The following TTLL11 variants were observed in gnomAD, a reference collection of about 807,000 sequenced individuals.
TTLL11 encodes tubulin polyglutamylase TTLL11.
In TTLL11, 42 loss-of-function variants were observed where a neutral mutation model predicts 51.7. That is an observed-to-expected ratio of 0.81 (90% confidence interval 0.64 to 1.05). The LOEUF (loss-of-function observed/expected upper bound fraction) is 1.05, where lower values mean the gene tolerates loss of function less well. Ranked by LOEUF, TTLL11 falls within the 50% of genes least tolerant of loss-of-function variation. The probability of loss-of-function intolerance (pLI) is 0.00; values close to 1 mark genes in which losing one functional copy is unlikely to be tolerated. For synonymous variants in TTLL11, 381 were observed against 383.5 expected, an observed-to-expected ratio of 0.99 and a Z score of 0.08; for missense variants, 799 against 940.4, an observed-to-expected ratio of 0.85 and a Z score of 1.97.
chr9:121,906,781 C>T (rs1348881745), intron 6 of TTLL11, among the ~76,000 whole-genome samples: 1 of 152,106 alleles, frequency 6.6e-6, no homozygotes, highest in Non-Finnish European at 1.5e-5. Context: ...ATGAAAAGTA[C>T]ATTGACTATT....
At chr9:121,879,764 T>TGC (rs1564285593) in intron 6 of TTLL11, among the ~76,000 whole-genome samples, 2,011 of 17,712 alleles carry the variant, frequency 0.11, 248 homozygotes, top group East Asian at 0.24. Context: ...GCCCTGAATC[T>TGC]AGACCAGGCT....
At chr9:122,012,748 T>C (rs1843847848) in intron 3 of TTLL11, among the ~76,000 whole-genome samples, 1 of 151,988 alleles carries the variant, frequency 6.6e-6, no homozygotes, top group Admixed American at 6.6e-5. Context: ...AAAGAAGTCT[T>C]AGCTCTTTTC....
chr9:122,017,705 C>A (rs1052130948), intron 3 of TTLL11, among the ~76,000 whole-genome samples: 4 of 152,148 alleles, frequency 2.6e-5, no homozygotes, highest in Non-Finnish European at 5.9e-5. Context: ...TTGTGATCTG[C>A]CTGTCTTGGC....
intron 3 of TTLL11, among the ~76,000 whole-genome samples, chr9:121,992,758 C>T (rs955355945): frequency 6.6e-6 from 1 of 152,178 alleles, no homozygotes; most frequent in Non-Finnish European, 1.5e-5. Context: ...GCCTAATTGC[C>T]TGGCACTCCG....
At chr9:122,067,371 C>T (rs933390590) in intron 1 of TTLL11, among the ~76,000 whole-genome samples, 5 of 152,094 alleles carry the variant, frequency 3.3e-5, no homozygotes, top group African/African-American at 7.2e-5. Flanking sequence ...GTATGGGCTT[C>T]GGAAAGCTGG....
rs1263530259 is a variant in TTLL11, at chr9:121,995,560, G to A, written c.694-5790C>T. Among the ~76,000 whole-genome samples the A allele has an allele frequency of 6.6e-6, 1 of 152,092 alleles. No individual in the cohort carries two copies. The highest frequency in any genetic ancestry group is 1.9e-4 in the East Asian group (1 of 5,192). On this transcript the variant is annotated intron_variant, in intron 3 of 8. Transcript: ENST00000321582. This position sits in a 1 kb window ranked among gnomAD's most constrained non-coding sequence, Gnocchi z 4.4. ...TGGGACTTCAGCAATTTTGGGAGGG[G>A]TGATGTTACCATTAACAGATTTAGG...
chr9:121,877,514 GCCTATTCCCA>G (rs1838610275), intron 6 of TTLL11, among the ~76,000 whole-genome samples: 2 of 152,158 alleles, frequency 1.3e-5, no homozygotes, highest in African/African-American at 4.8e-5. Context: ...CCCACGTTGA[GCCTATTCCCA>G]CCTATTCCCC....
At chr9:121,961,926 G>A (rs1842240268) in intron 6 of TTLL11, among the ~76,000 whole-genome samples, 1 of 152,026 alleles carries the variant, frequency 6.6e-6, no homozygotes. Context: ...CGTGGTGGTG[G>A]GTGCCTGTGA....
chr9:121,826,165 T>C (rs1267187059), intron 8 of TTLL11, among the ~76,000 whole-genome samples: 1 of 109,256 alleles, frequency 9.2e-6, no homozygotes, highest in African/African-American at 3.5e-5. Context: ...TATATATATA[T>C]ATATATATAA....
intron 6 of TTLL11, among the ~76,000 whole-genome samples, chr9:121,912,100 C>T (rs571052566): frequency 6.6e-6 from 1 of 152,314 alleles, no homozygotes; most frequent in Non-Finnish European, 1.5e-5. Context: ...TGCTCCTGCT[C>T]TTAGGGAACT....
At chr9:121,983,057 C>A (rs1030065195) in intron 4 of TTLL11, among the ~76,000 whole-genome samples, 2 of 152,110 alleles carry the variant, frequency 1.3e-5, no homozygotes, top group African/African-American at 4.8e-5. Flanking sequence ...CATTCAAGTG[C>A]GAGGTGATGG....
rs554019944 is a variant in TTLL11, at chr9:122,092,065, C to T, written c.462+622G>A. 6.6e-5 allele frequency among the ~76,000 whole-genome samples: 10 copies of T among 152,210 alleles called. No homozygotes were observed. In the South Asian group the frequency reaches 1.9e-3, roughly 28 times the overall value. ...GAAGAGAGAAAGGAGAAGGTGGTAA[C>T]GTAAGTTACCATTTATTGCAGACTT... On this transcript the variant is annotated intron_variant, in intron 1 of 8. Coordinates refer to ENST00000321582, the MANE Select transcript of TTLL11 (RefSeq NM_001139442.2).
At chr9:122,086,972 T>C (rs1846143702) in intron 1 of TTLL11, among the ~76,000 whole-genome samples, 1 of 152,204 alleles carries the variant, frequency 6.6e-6, no homozygotes, top group African/African-American at 2.4e-5. Flanking sequence ...ATAGAATAAC[T>C]CCTTGCAGAA....
At chr9:122,012,478 A>G (rs1189770878) in intron 3 of TTLL11, among the ~76,000 whole-genome samples, 1 of 152,154 alleles carries the variant, frequency 6.6e-6, no homozygotes, top group Non-Finnish European at 1.5e-5. Flanking sequence ...CCCTCTAATG[A>G]TCGTATTCAT....
intron 2 of TTLL11, among the ~76,000 whole-genome samples, chr9:122,038,101 ACTTG>A (rs1213840638): frequency 6.6e-6 from 1 of 152,176 alleles, no homozygotes; most frequent in Non-Finnish European, 1.5e-5. Flanking sequence ...GGATGAGTAA[ACTTG>A]CTTAAGGTTT....
intron 6 of TTLL11, among the ~76,000 whole-genome samples, chr9:121,919,693 G>A (rs1041427469): frequency 6.6e-6 from 1 of 152,062 alleles, no homozygotes; most frequent in African/African-American, 2.4e-5. Flanking sequence ...GGGAGACAGT[G>A]AGTAATACAG....
At chr9:122,037,568 T>C (rs1365555199) in intron 2 of TTLL11, among the ~76,000 whole-genome samples, 5 of 152,190 alleles carry the variant, frequency 3.3e-5, no homozygotes, top group Non-Finnish European at 7.3e-5. Flanking sequence ...GCGATGATTC[T>C]TGTAACTTAA....
chr9:121,969,447 G>A (rs534674985), intron 6 of TTLL11, among the ~76,000 whole-genome samples: 41 of 152,208 alleles, frequency 2.7e-4, no homozygotes, highest in African/African-American at 9.1e-4. Flanking sequence ...GGAGATGCAT[G>A]ATGCATGCAC....
At chr9:121,978,105 AT>A (rs1842755193) in intron 4 of TTLL11, among the ~76,000 whole-genome samples, 1 of 152,214 alleles carries the variant, frequency 6.6e-6, no homozygotes, top group African/African-American at 2.4e-5. Context: ...GCAATATAAC[AT>A]TTTTTGCACA....
Sources: gnomAD v4.1 joint callset for allele counts (sites outside exome capture counted in the v4.1 genomes callset) on GRCh38, gnomAD v4.1.1 for gene constraint, Gnocchi (gnomAD v3.1) non-coding constraint, MANE v1.5 for transcripts, NCBI Gene and HGNC (gene_info 2026-07-23, HGNC 2026-07-21) for gene names.